The following ADAM10 variants were observed in gnomAD, a reference collection of about 807,000 sequenced individuals.
ADAM10 encodes disintegrin and metalloproteinase domain-containing protein 10.
In ADAM10, 17 loss-of-function variants were observed where a neutral mutation model predicts 90.1. The ratio of observed to expected loss-of-function variants is 0.19; its 90% CI spans 0.13 to 0.28. ADAM10 has a LOEUF of 0.28. Ranked by LOEUF, ADAM10 falls within the 10% of genes least tolerant of loss-of-function variation. ADAM10 has a pLI of 1.00. For missense variants in ADAM10, 610 were observed against 914.3 expected (o/e 0.67, Z 4.29); for synonymous variants, 310 against 298.6 (o/e 1.04, Z -0.40).
intron 1 of ADAM10, among the ~76,000 whole-genome samples, chr15:58,736,546 T>C (rs1173331394): frequency 1.3e-5 from 2 of 152,138 alleles, no homozygotes; most frequent in Admixed American, 1.3e-4. Flanking sequence ...CTTACTTTTA[T>C]GAAATGCAAG....
chr15:58,665,873 ACATCATTCATCATTCATTCAT>A (rs1470243693), intron 4 of ADAM10, among the ~76,000 whole-genome samples: 2 of 151,966 alleles, frequency 1.3e-5, no homozygotes, highest in Non-Finnish European at 2.9e-5. Flanking sequence ...ATGACTGATG[ACATCATTCATCATTCATTCAT>A]CATCATTCAT....
intron 14 of ADAM10, among the ~76,000 whole-genome samples, chr15:58,604,086 G>A (rs1406292371): frequency 6.6e-6 from 1 of 152,074 alleles, no homozygotes; most frequent in Non-Finnish European, 1.5e-5. Context: ...GCTTGGCCGG[G>A]CACGGTGGCT....
rs553887872 is a variant in ADAM10 at position 58,686,465 on chromosome 15, T to C, written c.207-4151A>G. On this transcript the variant is annotated intron_variant, in intron 2 of 15. Coordinates refer to ENST00000260408, the MANE Select transcript of ADAM10 (RefSeq NM_001110.4). ...GCAGTGCCTGGTGGAGCAGCTCAAG[T>C]TGGAGGCTGGCGTGGAGAGGATCAA... 2.1e-6 allele frequency: 3 copies of C among 1,395,642 alleles called. No individual in the cohort carries two copies. In the East Asian group the frequency reaches 7.3e-5, roughly 34 times the overall value. 86.5% of individuals were successfully genotyped at this position (1,395,642 alleles called of 1,614,324 possible). A position where few individuals can be genotyped will look rare whatever the true frequency, so the allele number is the denominator to read the frequency against.
At chr15:58,665,485 T>C (rs569687945) in intron 4 of ADAM10, among the ~76,000 whole-genome samples, 1 of 152,268 alleles carries the variant, frequency 6.6e-6, no homozygotes, top group African/African-American at 2.4e-5. Context: ...ATCACCAATA[T>C]ATTGCATTCG....
At chr15:58,611,756 G>GA in intron 12 of ADAM10, 52 bp downstream of exon 12, 3 of 1,563,000 alleles carry the variant, frequency 1.9e-6, no homozygotes, top group Admixed American at 3.4e-5. Context: ...TAATTCTTCT[G>GA]AAAAACAAGT....
chr15:58,610,950 A>T lies in ADAM10; in HGVS notation c.1804+49T>A, dbSNP rs1164531488. On this transcript the variant is annotated intron_variant, in intron 13 of 15. Transcript: ENST00000260408. ...TTTTACACTTAAAATTTAGGAGAAA[A>T]TAATAGTTTGAGGCAAATTTTATAC... The T allele has an allele frequency of 1.1e-5, 16 of 1,404,172 alleles. No individual in the cohort carries two copies. In the East Asian group the frequency reaches 3.7e-4, roughly 32 times the overall value. The allele number at this position is 1,404,172 out of a possible 1,614,324, so 87.0% of individuals were successfully genotyped here.
At position 58,591,678 on chromosome 15, in the gene ADAM10, T is replaced by C. The variant is rs369108858; in HGVS notation, c.*5869A>G. 19 of 152,242 alleles carry C rather than the reference T, an allele frequency of 1.2e-4. No homozygotes were observed. The highest frequency in any genetic ancestry group is 4.6e-4 in the African/African-American group (19 of 41,464). The allele number at this position is 152,242 out of a possible 1,614,324, so 9.4% of individuals were successfully genotyped here. A position where few individuals can be genotyped will look rare whatever the true frequency, so the allele number is the denominator to read the frequency against. ...AATAATTATCAACTCACAGCCAATC[T>C]TGTTTCAACTATATCCACACACACC... On this transcript the variant is annotated 3_prime_UTR_variant, in exon 16 of 16. Coordinates refer to ENST00000260408, the MANE Select transcript of ADAM10 (RefSeq NM_001110.4).
chr15:58,600,941 G>A (rs1241144536), intron 14 of ADAM10, among the ~76,000 whole-genome samples: 4 of 152,194 alleles, frequency 2.6e-5, no homozygotes, highest in South Asian at 2.1e-4. Flanking sequence ...CTTCTACACT[G>A]TTTAGTTTTT....
chr15:58,724,604 T>C lies in ADAM10; in HGVS notation c.56-6877A>G, dbSNP rs563061367. Reference sequence around the variant, plus strand: ...TCTGAGTTCAGGGAGATCAGGTATTTAGAATCTATGTGCCAGAGTGTCAGA... The same window carrying C: ...TCTGAGTTCAGGGAGATCAGGTATTCAGAATCTATGTGCCAGAGTGTCAGA... On this transcript the variant is annotated intron_variant, in intron 1 of 15. Transcript: ENST00000260408. Among the ~76,000 whole-genome samples, 4 of 152,284 alleles carry C rather than the reference T, an allele frequency of 2.6e-5. No homozygotes were observed. In the East Asian group the frequency reaches 7.7e-4, roughly 29 times the overall value.
chr15:58,597,867 GT>G (rs1344799302), intron 15 of ADAM10, among the ~76,000 whole-genome samples: 1 of 151,850 alleles, frequency 6.6e-6, no homozygotes, highest in African/African-American at 2.4e-5. Context: ...TAGCCAAAGT[GT>G]TATCATTTCA....
chr15:58,664,454 GAATT>G (rs762951391), intron 5 of ADAM10, among the ~76,000 whole-genome samples: 19 of 152,004 alleles, frequency 1.2e-4, no homozygotes, highest in Non-Finnish European at 2.4e-4. Flanking sequence ...ACCTGAAACA[GAATT>G]GTTTATGCCA....
chr15:58,715,678 A>G (rs1204728217), intron 2 of ADAM10, among the ~76,000 whole-genome samples: 2 of 152,188 alleles, frequency 1.3e-5, no homozygotes, highest in Non-Finnish European at 2.9e-5. Flanking sequence ...AGCAGTCAGT[A>G]AACATTTTTT....
chr15:58,700,982 G>C (rs1208584746), intron 2 of ADAM10, among the ~76,000 whole-genome samples: 1 of 137,464 alleles, frequency 7.3e-6, no homozygotes, highest in Non-Finnish European at 1.5e-5. Context: ...TCCAACCTGG[G>C]AGACAGAACA....
Position 58,599,798 on chromosome 15 carries a change from A to G in ADAM10, c.2026-74T>C, listed in dbSNP as rs547328844. The G allele has an allele frequency of 2.7e-6, 4 of 1,456,654 alleles. No individual in the cohort carries two copies. The East Asian group carries it at 7.0e-5, about 26-fold the overall frequency. 90.2% of individuals were successfully genotyped at this position (1,456,654 alleles called of 1,614,324 possible). ...TTTTAGAGTATCTTTTACAGTATATAAAACATAGAATAGAACACAGTATAT... is the reference window on the plus strand; with the variant it reads ...TTTTAGAGTATCTTTTACAGTATATGAAACATAGAATAGAACACAGTATAT... On this transcript the variant is annotated intron_variant, in intron 14 of 15. Transcript: ENST00000260408.
In ADAM10 at chr15:58,633,277, A is replaced by T; in HGVS notation, c.1095T>A (p.Val365=). ...GAGGTACATGAGACCCATAGTTCTG[A>T]ACAGTAATAATTCCAGTGTTTAAGG... The part of the protein sequence containing the change: ...KKSLNTGIIT[V]QNYGSHVPPK... The change falls in exon 9 of 16, where the codon GTT becomes GTA. Residue 365 remains valine (V), a synonymous_variant. Transcript: ENST00000260408. 6.2e-7 allele frequency: 1 copy of T among 1,613,240 alleles called. No homozygotes were observed. Among genetic ancestry groups the T allele is most frequent in the Non-Finnish European group, 8.5e-7 (1 of 1,179,276 alleles).
intron 3 of ADAM10, among the ~76,000 whole-genome samples, chr15:58,681,040 G>A (rs1180168457): frequency 6.6e-6 from 1 of 152,048 alleles, no homozygotes; most frequent in African/African-American, 2.4e-5. Flanking sequence ...CAAACTCCAG[G>A]TCTCAAGCAA....
In ADAM10 at chr15:58,646,522, C is replaced by T. The variant is rs558406558; in HGVS notation, c.586-318G>A. Among the ~76,000 whole-genome samples the T allele has an allele frequency of 2.6e-5, 4 of 152,224 alleles. No homozygotes were observed. In the East Asian group the frequency reaches 7.7e-4, roughly 29 times the overall value. The stretch of plus-strand genomic sequence containing the variant: ...TCTTCTCTACCTCACATCTAATACC[C>T]ATCTACCATCCAGTTCTGTCAAATT... On this transcript the variant is annotated intron_variant, in intron 5 of 15. Transcript: ENST00000260408.
chr15:58,653,979 T>C (rs1896749602), intron 5 of ADAM10, among the ~76,000 whole-genome samples: 1 of 152,282 alleles, frequency 6.6e-6, no homozygotes, highest in Admixed American at 6.5e-5. Flanking sequence ...TCTCTACATT[T>C]TGCAATTTAT....
At chr15:58,633,383 T>C (rs2140675313) in intron 8 of ADAM10, 24 bp from the exon 9 acceptor site, 1 of 1,605,584 alleles carries the variant, frequency 6.2e-7, no homozygotes, top group Non-Finnish European at 8.5e-7. Context: ...AAAAAATGGC[T>C]AAATTAGTAT....
Sources: allele counts gnomAD v4.1 joint callset (sites outside exome capture counted in the v4.1 genomes callset), GRCh38; gene constraint gnomAD v4.1.1; transcripts MANE v1.5; gene names NCBI Gene and HGNC (gene_info 2026-07-23, HGNC 2026-07-21).